FARS2: variants seen among roughly 807,000 people sequenced by gnomAD.
FARS2 encodes the protein phenylalanyl-tRNA synthetase 2, mitochondrial, also known as phenylalanine--tRNA ligase, mitochondrial.
Under a neutral mutation model 46.4 loss-of-function variants are expected in FARS2, and 40 were observed. The observed-to-expected ratio is 0.86, with a 90% confidence interval of 0.67 to 1.12. FARS2 has a LOEUF of 1.12. Ranked by LOEUF, FARS2 falls within the 50% of genes most tolerant of loss-of-function variation. The pLI, the probability that FARS2 is intolerant of heterozygous loss-of-function variation, is 0.00. For synonymous variants in FARS2, 234 were observed against 214.9 expected, an observed-to-expected ratio of 1.09 and a Z score of -0.78; for missense variants, 513 against 567.9, an observed-to-expected ratio of 0.90 and a Z score of 0.98.
At chr6:5,363,517 T>C (rs1037090144) in intron 1 of FARS2, among the ~76,000 whole-genome samples, 1 of 152,062 alleles carries the variant, frequency 6.6e-6, no homozygotes, top group Non-Finnish European at 1.5e-5. Flanking sequence ...TGCTAGATTA[T>C]GGGCATACGA....
At chr6:5,610,143 C>A in intron 5 of FARS2, 1 of 1,091,336 alleles carries the variant, frequency 9.2e-7, no homozygotes. Flanking sequence ...GCTCAACCCT[C>A]CAATGAAGAG....
At chr6:5,496,031 C>T (rs1008240254) in intron 4 of FARS2, among the ~76,000 whole-genome samples, 1 of 152,162 alleles carries the variant, frequency 6.6e-6, no homozygotes, top group African/African-American at 2.4e-5. Context: ...CTGCTTTTCC[C>T]CTAGGATCCC....
intron 1 of FARS2, among the ~76,000 whole-genome samples, chr6:5,322,306 A>C (rs1770035842): frequency 6.6e-6 from 1 of 152,244 alleles, no homozygotes; most frequent in Non-Finnish European, 1.5e-5. Flanking sequence ...GATAGTTAAA[A>C]AAGTTAGATT....
At chr6:5,712,938 T>C (rs1456279013) in intron 6 of FARS2, among the ~76,000 whole-genome samples, 2 of 152,250 alleles carry the variant, frequency 1.3e-5, no homozygotes, top group African/African-American at 4.8e-5. Flanking sequence ...ACAAAAAGCG[T>C]ACCTGTAGAA....
At chr6:5,699,695 G>A (rs1758305225) in intron 6 of FARS2, among the ~76,000 whole-genome samples, 2 of 152,102 alleles carry the variant, frequency 1.3e-5, no homozygotes, top group Non-Finnish European at 2.9e-5. Context: ...TTTTAGTAGA[G>A]ATGAGGTTTC....
At chr6:5,509,787 A>G (rs1452355053) in intron 4 of FARS2, among the ~76,000 whole-genome samples, 2 of 152,336 alleles carry the variant, frequency 1.3e-5, no homozygotes, top group East Asian at 3.9e-4. Context: ...TGGTTTTTAA[A>G]AAACAGGTTA....
chr6:5,481,049 C>T (rs1766424440), intron 4 of FARS2, among the ~76,000 whole-genome samples: 2 of 152,238 alleles, frequency 1.3e-5, no homozygotes, highest in African/African-American at 2.4e-5. Flanking sequence ...GCCTGCAGCA[C>T]AGTGTTCACT....
intron 1 of FARS2, among the ~76,000 whole-genome samples, chr6:5,270,141 CA>C (rs893999368): frequency 5.3e-5 from 8 of 152,154 alleles, no homozygotes; most frequent in Middle Eastern, 3.4e-3. Flanking sequence ...TTCTGCAGTG[CA>C]AAGGGAAAGT....
At chr6:5,419,652 G>A (rs548306127) in intron 3 of FARS2, among the ~76,000 whole-genome samples, 2 of 152,300 alleles carry the variant, frequency 1.3e-5, no homozygotes, top group South Asian at 4.1e-4. Flanking sequence ...AGGGGATGGA[G>A]CTGATCCTAG....
intron 4 of FARS2, among the ~76,000 whole-genome samples, chr6:5,502,152 C>G (rs944060006): frequency 4.6e-5 from 7 of 152,230 alleles, no homozygotes; most frequent in African/African-American, 1.7e-4. Context: ...CTTGTGGTCT[C>G]TCAGCCAGCT....
intron 1 of FARS2, among the ~76,000 whole-genome samples, chr6:5,299,276 G>A (rs1768117901): frequency 6.6e-6 from 1 of 152,162 alleles, no homozygotes; most frequent in Non-Finnish European, 1.5e-5. Context: ...GGCGAACATA[G>A]TTATAATGCT....
chr6:5,670,794 CT>C (rs1390091073), intron 6 of FARS2, among the ~76,000 whole-genome samples: 1 of 152,092 alleles, frequency 6.6e-6, no homozygotes, highest in East Asian at 1.9e-4. Context: ...GCTCCAAAAG[CT>C]TATCACATTG....
At chr6:5,577,703 C>T (rs1485508876) in intron 5 of FARS2, among the ~76,000 whole-genome samples, 2 of 152,066 alleles carry the variant, frequency 1.3e-5, no homozygotes, top group African/African-American at 4.8e-5. Flanking sequence ...AAACATAGAT[C>T]CGGAAAGTGG....
At position 5,630,375 on chromosome 6, in the gene FARS2, A is replaced by G. The variant is rs576940705; in HGVS notation, c.1217+17055A>G. ...GAGTAGTCTTCTAGTAGTCAGTTCA[A>G]TGGTAGAAAAATACTTTGGATGATC... On this transcript the variant is annotated intron_variant, in intron 6 of 6. Transcript: ENST00000274680. The surrounding 1 kb of genome is among the most constrained non-coding windows in gnomAD (Gnocchi z 4.2). Among the ~76,000 whole-genome samples, 6 of 152,356 alleles carry G rather than the reference A, an allele frequency of 3.9e-5. No homozygotes were observed. In the South Asian group the frequency reaches 6.2e-4, roughly 16 times the overall value.
At chr6:5,565,902 C>A (rs1247773698) in intron 5 of FARS2, among the ~76,000 whole-genome samples, 1 of 152,070 alleles carries the variant, frequency 6.6e-6, no homozygotes, top group African/African-American at 2.4e-5. Flanking sequence ...TTGTGCAAAG[C>A]CAAATTTTAC....
chr6:5,593,288 C>T (rs1369509950), intron 5 of FARS2, among the ~76,000 whole-genome samples: 2 of 138,256 alleles, frequency 1.4e-5, no homozygotes, highest in African/African-American at 7.1e-5. Flanking sequence ...GAAGGAACTG[C>T]ACCTCCCGCC....
At chr6:5,317,897 G>A (rs1219712678) in intron 1 of FARS2, among the ~76,000 whole-genome samples, 1 of 152,096 alleles carries the variant, frequency 6.6e-6, no homozygotes, top group Non-Finnish European at 1.5e-5. Flanking sequence ...ACGGGTCCCT[G>A]TGCTCTTTCT....
intron 4 of FARS2, among the ~76,000 whole-genome samples, chr6:5,438,057 T>C (rs1169782557): frequency 1.3e-5 from 2 of 152,108 alleles, no homozygotes; most frequent in African/African-American, 4.8e-5. Context: ...TTTTATTTTT[T>C]TTCTCAGCAA....
At chr6:5,356,828 CG>C (rs1227840107) in intron 1 of FARS2, among the ~76,000 whole-genome samples, 3 of 152,046 alleles carry the variant, frequency 2.0e-5, no homozygotes, top group African/African-American at 7.2e-5. Context: ...ATAAGAAGAA[CG>C]GACGGCATAT....
Sources: gnomAD v4.1 joint callset for allele counts (sites outside exome capture counted in the v4.1 genomes callset) on GRCh38, gnomAD v4.1.1 for gene constraint, Gnocchi (gnomAD v3.1) non-coding constraint, MANE v1.5 for transcripts, NCBI Gene and HGNC (gene_info 2026-07-23, HGNC 2026-07-21) for gene names.